Variants in CTNNAL1 observed in about 807,000 individuals in gnomAD.
The protein encoded by CTNNAL1 is catenin alpha like 1.
CTNNAL1 carries 69 observed loss-of-function variants against 93.6 expected under a neutral mutation model. That is an observed-to-expected ratio of 0.74 (90% CI 0.61 to 0.90). The LOEUF (loss-of-function observed/expected upper bound fraction) is 0.90, where lower values mean the gene tolerates loss of function less well. CTNNAL1 is among the 40% of genes least tolerant of loss of function. CTNNAL1 has a pLI of 0.00. For missense variants in CTNNAL1, 836 were observed against 862.0 expected (o/e 0.97, Z 0.38); for synonymous variants, 286 against 305.4 (o/e 0.94, Z 0.66).
intron 15 of CTNNAL1, 143 bp from the exon 16 acceptor site, chr9:108,944,161 C>G (rs1392452230): frequency 2.6e-6 from 2 of 756,406 alleles, no homozygotes; most frequent in Non-Finnish European, 2.1e-6. Context: ...TAAACTTTTT[C>G]CAGTACCAGG....
intron 11 of CTNNAL1, among the ~76,000 whole-genome samples, chr9:108,961,534 C>T (rs539140403): frequency 6.6e-6 from 1 of 152,210 alleles, no homozygotes; most frequent in African/African-American, 2.4e-5. Context: ...GCGTTTCCCA[C>T]GTAAGAAGGA....
intron 1 of CTNNAL1, 55 bp downstream of exon 1, chr9:109,013,247 C>T (rs1355558185): frequency 7.0e-7 from 1 of 1,426,706 alleles, no homozygotes; most frequent in Non-Finnish European, 9.2e-7. Context: ...GCGGCGGCCG[C>T]CATCGCGGGC....
chr9:109,000,606 C>G (rs535702130), intron 1 of CTNNAL1, among the ~76,000 whole-genome samples: 66 of 149,756 alleles, frequency 4.4e-4, no homozygotes, highest in African/African-American at 1.5e-3. Flanking sequence ...CCTTCTAAGA[C>G]AAAGCGATAT....
intron 6 of CTNNAL1, among the ~76,000 whole-genome samples, chr9:108,981,764 A>G (rs1239279029): frequency 2.0e-5 from 3 of 152,096 alleles, no homozygotes; most frequent in Non-Finnish European, 4.4e-5. Flanking sequence ...ATCTCTATTA[A>G]AAGTACAAAA....
At chr9:108,994,774 C>T (rs1831952924) in intron 2 of CTNNAL1, among the ~76,000 whole-genome samples, 1 of 152,206 alleles carries the variant, frequency 6.6e-6, no homozygotes, top group Non-Finnish European at 1.5e-5. Context: ...TGGTATGTCA[C>T]TCCCAAGCTT....
intron 10 of CTNNAL1, among the ~76,000 whole-genome samples, chr9:108,969,063 G>A (rs1831036630): frequency 6.6e-6 from 1 of 152,034 alleles, no homozygotes; most frequent in Middle Eastern, 3.4e-3. Flanking sequence ...TGAGGTCAGG[G>A]GTTTCAGACC....
At chr9:108,946,365 G>A (rs1009909972) in intron 15 of CTNNAL1, among the ~76,000 whole-genome samples, 7 of 150,548 alleles carry the variant, frequency 4.6e-5, no homozygotes, top group Admixed American at 2.0e-4. Flanking sequence ...TTTCCTTCTG[G>A]CTCACTTCAC....
rs1426309984 is a variant in CTNNAL1, at chr9:108,998,923, C to T, written c.331+144G>A. 2.5e-5 allele frequency: 24 copies of T among 945,324 alleles called. No individual in the cohort carries two copies. The South Asian group carries it at 2.9e-4, about 11-fold the overall frequency. The allele number at this position is 945,324 out of a possible 1,614,324, so 58.6% of individuals were successfully genotyped here. ...TGATCCAAGCCAAGTGCAGTATTCG[C>T]GGAAGCTAATCCAGGCCTTTAATGT... On this transcript the variant is annotated intron_variant, in intron 2 of 18. Coordinates refer to ENST00000325551, the MANE Select transcript of CTNNAL1 (RefSeq NM_003798.4).
intron 4 of CTNNAL1, among the ~76,000 whole-genome samples, chr9:108,985,267 T>C (rs916754664): frequency 4.6e-4 from 70 of 152,358 alleles, no homozygotes; most frequent in African/African-American, 1.6e-3. Context: ...TCTGTCATTG[T>C]AGTGTGAAAG....
In CTNNAL1 at chr9:108,971,660, T is replaced by C. The variant is rs550492165; in HGVS notation, c.1347+1015A>G. Reference sequence around the variant, plus strand: ...CTTCTGCTTTCATTATGAGGCCTCCTCTGCCATGTGGAACTGTGAGTTCAT... The same window carrying C: ...CTTCTGCTTTCATTATGAGGCCTCCCCTGCCATGTGGAACTGTGAGTTCAT... On this transcript the variant is annotated intron_variant, in intron 9 of 18. Coordinates refer to ENST00000325551, the MANE Select transcript of CTNNAL1 (RefSeq NM_003798.4). Among the ~76,000 whole-genome samples the C allele has an allele frequency of 3.3e-5, 5 of 152,316 alleles. No homozygotes were observed. In the South Asian group the frequency reaches 1.0e-3, roughly 32 times the overall value.
intron 1 of CTNNAL1, among the ~76,000 whole-genome samples, chr9:109,003,757 T>G (rs2132211290): frequency 2.0e-5 from 3 of 152,346 alleles, no homozygotes; most frequent in Middle Eastern, 6.8e-3. Context: ...AAGTCTCTCC[T>G]GGATCATATT....
chr9:108,958,065 A>C (rs1307475543), intron 11 of CTNNAL1, among the ~76,000 whole-genome samples: 22 of 33,436 alleles, frequency 6.6e-4, no homozygotes, highest in Admixed American at 1.1e-3. Flanking sequence ...GACTGTCTCA[A>C]AAAAAAAAAA....
chr9:109,013,195 G>T, intron 1 of CTNNAL1, 107 bp downstream of exon 1: 1 of 1,309,410 alleles, frequency 7.6e-7, no homozygotes, highest in Non-Finnish European at 1.0e-6. Context: ...CAGTGCCGGC[G>T]CGGAAAGTGG....
At chr9:108,971,748 C>T (rs998755560) in intron 9 of CTNNAL1, among the ~76,000 whole-genome samples, 2 of 152,130 alleles carry the variant, frequency 1.3e-5, no homozygotes, top group Non-Finnish European at 2.9e-5. Flanking sequence ...AGAGTGAGAA[C>T]AGACTAATAC....
chr9:108,952,317 G>T lies in CTNNAL1; in HGVS notation c.1727C>A (p.Thr576Asn). 6.2e-7 allele frequency: 1 copy of T among 1,614,186 alleles called. No individual in the cohort carries two copies. The highest frequency in any genetic ancestry group is 8.5e-7 in the Non-Finnish European group (1 of 1,180,034). ...AKLGLKLGLLTSDADCEIEKW... is the reference protein window; with the variant it reads ...AKLGLKLGLLNSDADCEIEKW... ...CTCAATTTCGCAGTCAGCGTCAGAG[G>T]TGAGCAAACCCAGCTTAAGTCCAAG... The change falls in exon 14 of 19, where the codon ACC (threonine) becomes AAC (asparagine). Residue 576 changes from threonine to asparagine, a missense_variant. Thr to Asn is a moderately conservative substitution (Grantham distance 65). Coordinates refer to ENST00000325551, the MANE Select transcript of CTNNAL1 (RefSeq NM_003798.4).
At chr9:108,952,147 T>A in intron 14 of CTNNAL1, 62 bp downstream of exon 14, 1 of 1,423,702 alleles carries the variant, frequency 7.0e-7, no homozygotes. Context: ...AACATGGAAC[T>A]TTTTTCTTTA....
intron 1 of CTNNAL1, among the ~76,000 whole-genome samples, chr9:109,000,911 C>G (rs1470612329): frequency 1.3e-5 from 2 of 151,600 alleles, no homozygotes; most frequent in Non-Finnish European, 2.9e-5. Context: ...GCCTGTAATC[C>G]CAGCACTTTG....
At chr9:108,989,349 G>A (rs370273988) in intron 4 of CTNNAL1, among the ~76,000 whole-genome samples, 3 of 152,172 alleles carry the variant, frequency 2.0e-5, no homozygotes, top group Admixed American at 6.5e-5. Flanking sequence ...GGAGAATGAG[G>A]AGAAGAAGGA....
chr9:109,002,543 G>C (rs1195657938), intron 1 of CTNNAL1, among the ~76,000 whole-genome samples: 1 of 152,150 alleles, frequency 6.6e-6, no homozygotes, highest in African/African-American at 2.4e-5. Flanking sequence ...CCGATGAACT[G>C]GGAGATCTAA....
Sources: gnomAD v4.1 joint callset for allele counts (sites outside exome capture counted in the v4.1 genomes callset) on GRCh38, gnomAD v4.1.1 for gene constraint, MANE v1.5 for transcripts, NCBI Gene and HGNC (gene_info 2026-07-23, HGNC 2026-07-21) for gene names.